HOMER2: variants seen among roughly 807,000 people sequenced by gnomAD.
HOMER2 encodes the protein homer protein homolog 2.
HOMER2 carries 27 observed loss-of-function variants against 47.0 expected under a neutral mutation model. The ratio of observed to expected loss-of-function variants is 0.57; its 90% CI spans 0.42 to 0.79. The LOEUF (loss-of-function observed/expected upper bound fraction) is 0.79. Ranked by LOEUF, HOMER2 falls within the 30% of genes least tolerant of loss-of-function variation. The pLI is 0.00. For missense variants in HOMER2, 443 were observed against 435.0 expected (o/e 1.02, Z -0.16); for synonymous variants, 161 against 163.8 (o/e 0.98, Z 0.13).
At chr15:82,842,169 A>G (rs1298207903) in exon 2 of HOMER2, 1 of 152,238 alleles carries the variant, frequency 6.6e-6, no homozygotes, top group Non-Finnish European at 1.5e-5. Context: ...AGGCTGAGAA[A>G]CATAAAACAT....
At chr15:82,873,334 G>A (rs955041389) in intron 3 of HOMER2, among the ~76,000 whole-genome samples, 2 of 152,186 alleles carry the variant, frequency 1.3e-5, no homozygotes, top group Non-Finnish European at 2.9e-5. Flanking sequence ...AGCCCTATCA[G>A]CCAAAGATTT....
chr15:82,864,118 T>C, intron 4 of HOMER2, 49 bp downstream of exon 4: 1 of 1,192,408 alleles, frequency 8.4e-7, no homozygotes, highest in Admixed American at 2.1e-5. Context: ...GAACAAAGAG[T>C]CCCTATCACC....
intron 1 of HOMER2, among the ~76,000 whole-genome samples, chr15:82,978,673 T>C (rs1371722221): frequency 6.6e-6 from 1 of 152,096 alleles, no homozygotes; most frequent in African/African-American, 2.4e-5. Context: ...ATGGGGGTAG[T>C]TTCCCCCATG....
At chr15:82,904,404 G>A (rs1378696840) in intron 1 of HOMER2, among the ~76,000 whole-genome samples, 1 of 152,188 alleles carries the variant, frequency 6.6e-6, no homozygotes, top group Non-Finnish European at 1.5e-5. Flanking sequence ...TCCAATCATA[G>A]GGGGGCCTGC....
intron 1 of HOMER2, among the ~76,000 whole-genome samples, chr15:82,964,504 G>A (rs1471216086): frequency 4.6e-5 from 7 of 152,190 alleles, no homozygotes; most frequent in African/African-American, 7.2e-5. Context: ...GGTGGCTCAC[G>A]CCTGTAATCC....
At chr15:82,866,038 C>T (rs1235523293) in intron 3 of HOMER2, among the ~76,000 whole-genome samples, 2 of 152,168 alleles carry the variant, frequency 1.3e-5, no homozygotes, top group Non-Finnish European at 2.9e-5. Flanking sequence ...CACCATCCTC[C>T]AGACCCCAGA....
chr15:82,956,764 G>A (rs895147276), upstream of HOMER2, among the ~76,000 whole-genome samples: 3 of 152,170 alleles, frequency 2.0e-5, no homozygotes, highest in African/African-American at 7.2e-5. Flanking sequence ...GTATAATTAT[G>A]TAAAATTAGA....
chr15:82,909,167 A>G (rs2053380351), intron 1 of HOMER2, among the ~76,000 whole-genome samples: 1 of 152,240 alleles, frequency 6.6e-6, no homozygotes, highest in South Asian at 2.1e-4. Flanking sequence ...TTGATTGATC[A>G]TTCCAAAAAA....
chr15:82,977,477 C>T lies in HOMER2; in HGVS notation n.82+8310G>A, dbSNP rs545991470. On this transcript the variant is annotated intron_variant and non_coding_transcript_variant, in intron 1 of 1. Coordinates refer to the HOMER2 transcript ENST00000500334. ...GCTTCAACTGTTGTGACCATCTGCT[C>T]AGAGAAAACTTTTAGATTACGTCAC... Among the ~76,000 whole-genome samples the T allele has an allele frequency of 1.4e-3, 212 of 152,300 alleles. 1 individual carries two copies. Among genetic ancestry groups the T allele is most frequent in the African/African-American group, 4.9e-3 (204 of 41,572 alleles).
At chr15:82,892,581 G>A (rs1358376975) in intron 2 of HOMER2, 104 bp downstream of exon 2, 1 of 868,510 alleles carries the variant, frequency 1.2e-6, no homozygotes, top group South Asian at 3.4e-5. Flanking sequence ...ATGTTATACA[G>A]ACATTATAAC....
At chr15:82,860,139 TCGGGAGGCTGAGGCAGGACC>T (rs543337764) in intron 4 of HOMER2, among the ~76,000 whole-genome samples, 2 of 152,058 alleles carry the variant, frequency 1.3e-5, no homozygotes, top group Non-Finnish European at 2.9e-5. Context: ...TCACAGCTGC[TCGGGAGGCTGAGGCAGGACC>T]CGGGAGGCGG....
At chr15:82,945,451 G>C (rs532541794) in intron 1 of HOMER2, among the ~76,000 whole-genome samples, 1 of 152,090 alleles carries the variant, frequency 6.6e-6, no homozygotes, top group Non-Finnish European at 1.5e-5. Context: ...AAATAGACTT[G>C]CTCTATGTAG....
At chr15:82,866,012 G>A (rs2667379) in intron 3 of HOMER2, among the ~76,000 whole-genome samples, 63,788 of 152,058 alleles carry the variant, frequency 0.42, 14,028 homozygotes, top group East Asian at 0.7. Context: ...GTCTAGTGGA[G>A]CTGTGAGAAG....
intron 8 of HOMER2, among the ~76,000 whole-genome samples, chr15:82,850,853 G>GC (rs750909573): frequency 6.6e-5 from 10 of 152,028 alleles, no homozygotes; most frequent in Non-Finnish European, 5.9e-5. Context: ...CTCTCAGGCC[G>GC]CCCCCCCGCT....
At chr15:82,935,948 C>A (rs1003210658) in intron 1 of HOMER2, among the ~76,000 whole-genome samples, 41 of 152,212 alleles carry the variant, frequency 2.7e-4, no homozygotes, top group African/African-American at 9.9e-4. Flanking sequence ...GATCATGCTG[C>A]AGCCCTGCTA....
chr15:82,852,213 C>G lies in HOMER2; in HGVS notation c.691G>C (p.Glu231Gln). 6.2e-7 allele frequency: 1 copy of G among 1,613,988 alleles called. No homozygotes were observed. The highest frequency in any genetic ancestry group is 8.5e-7 in the Non-Finnish European group (1 of 1,179,880). ...LEEQCSEINR[E>Q]KEKNTQLKRR... is the part of the protein sequence containing the mutation. The stretch of plus-strand genomic sequence containing the variant: ...TTCAGCTGCGTGTTCTTCTCCTTCT[C>G]TCTGTTGATCTCACTGCATTGTTCT... Residue 231 changes from glutamate to glutamine, a missense_variant, in exon 7 of 9, where the codon GAG (glutamate) becomes CAG (glutamine). Glu to Gln is a conservative substitution (Grantham distance 29). Coordinates refer to ENST00000450735, the MANE Select transcript of HOMER2 (RefSeq NM_004839.4).
chr15:82,940,620 T>C (rs1390212688), intron 1 of HOMER2, among the ~76,000 whole-genome samples: 1 of 152,162 alleles, frequency 6.6e-6, no homozygotes, highest in Non-Finnish European at 1.5e-5. Flanking sequence ...CTGGTGCCTG[T>C]AGTCCCAGCT....
intron 1 of HOMER2, among the ~76,000 whole-genome samples, chr15:82,899,919 G>C (rs1209770572): frequency 2.0e-5 from 3 of 152,222 alleles, no homozygotes; most frequent in Non-Finnish European, 4.4e-5. Context: ...CTACTTGGGA[G>C]GCTGAGGCAG....
rs563962950 is a variant in HOMER2 at position 82,852,178 on chromosome 15, G to A, written c.726C>T (p.Ile242=). 10 of 1,613,812 alleles carry A rather than the reference G, an allele frequency of 6.2e-6. No individual in the cohort carries two copies. In the Admixed American group the frequency reaches 6.7e-5, roughly 11 times the overall value. Residue 242 remains isoleucine, a synonymous_variant, in exon 7 of 9, where the codon ATC becomes ATT. Transcript: ENST00000450735. ...KEKNTQLKRR[I]EELEAELREK... is the part of the protein sequence containing the mutation. Reference sequence around the variant, plus strand: ...CTCGGAGCTCTGCCTCCAGCTCCTCGATCCTCCTCTTCAGCTGCGTGTTCT... The same window carrying A: ...CTCGGAGCTCTGCCTCCAGCTCCTCAATCCTCCTCTTCAGCTGCGTGTTCT...
Sources: allele counts gnomAD v4.1 joint callset (sites outside exome capture counted in the v4.1 genomes callset), GRCh38; gene constraint gnomAD v4.1.1; transcripts MANE v1.5; gene names NCBI Gene and HGNC (gene_info 2026-07-23, HGNC 2026-07-21).